Variants in IFT57 observed in about 807,000 individuals in gnomAD.
The protein encoded by IFT57 is intraflagellar transport protein 57 homolog.
A neutral mutation model predicts 56.8 loss-of-function variants in IFT57; 59 were observed. That is an observed-to-expected ratio of 1.04 (90% confidence interval 0.84 to 1.29). The LOEUF is 1.29. IFT57 is among the 50% of genes most tolerant of loss of function. The pLI, the probability that IFT57 is intolerant of heterozygous loss-of-function variation, is 0.00. For missense variants in IFT57, 470 were observed against 522.1 expected (o/e 0.90, Z 0.97); for synonymous variants, 209 against 186.1 (o/e 1.12, Z -1.00).
intron 6 of IFT57, among the ~76,000 whole-genome samples, chr3:108,179,017 G>T (rs1427650009): frequency 6.6e-6 from 1 of 151,714 alleles, no homozygotes; most frequent in Admixed American, 6.6e-5. Context: ...TCCCAAACTG[G>T]AAATAACTCA....
intron 6 of IFT57, among the ~76,000 whole-genome samples, chr3:108,176,210 C>T (rs554042499): frequency 5.9e-5 from 9 of 151,856 alleles, no homozygotes; most frequent in South Asian, 2.1e-4. Context: ...TTTACAAGGG[C>T]GCTTACGGCT....
chr3:108,162,535 T>A lies in IFT57; in HGVS notation c.1232A>T (p.Asn411Ile). ...TGTGGCATGCATGTTCCTAGTCATGTTGGACTTCTCCTTCAGCTTTGATTG... is the reference window on the plus strand; with the variant it reads ...TGTGGCATGCATGTTCCTAGTCATGATGGACTTCTCCTTCAGCTTTGATTG... ...LLQSKLKEKS[N>I]MTRNMHATVI... The change falls in exon 11 of 11, where the codon AAC becomes ATC. Residue 411 changes from asparagine to isoleucine, a missense_variant. Physicochemically the swap from Asn to Ile is moderately radical, Grantham distance 149 (BLOSUM62 -3). Coordinates refer to ENST00000264538, the MANE Select transcript of IFT57 (RefSeq NM_018010.4). 1.2e-6 allele frequency: 2 copies of A among 1,612,448 alleles called. No homozygotes were observed. Among genetic ancestry groups the A allele is most frequent in the East Asian group, 4.5e-5 (2 of 44,824 alleles).
At chr3:108,205,596 G>A (rs1476117706) in intron 5 of IFT57, among the ~76,000 whole-genome samples, 2 of 150,606 alleles carry the variant, frequency 1.3e-5, no homozygotes, top group Non-Finnish European at 3.0e-5. Context: ...CTGGGGAGGG[G>A]TAGTCAAGGA....
Position 108,206,620 on chromosome 3 carries a change from A to C in IFT57, c.654+8T>G. The C allele has an allele frequency of 1.5e-6, 2 of 1,313,640 alleles. No individual in the cohort carries two copies. Among genetic ancestry groups the C allele is most frequent in the Admixed American group, 2.3e-5 (1 of 42,770 alleles). The allele number at this position is 1,313,640 out of a possible 1,614,324, so 81.4% of individuals were successfully genotyped here. A position where few individuals can be genotyped will look rare whatever the true frequency, so the allele number is the denominator to read the frequency against. ...TTGTTGGTCCTGCATGTATCTGATGAAACTTACCAAGTGATATGTCTGGGC... is the reference window on the plus strand; with the variant it reads ...TTGTTGGTCCTGCATGTATCTGATGCAACTTACCAAGTGATATGTCTGGGC... On this transcript the variant is annotated splice_region_variant and intron_variant, in intron 5 of 10. Transcript: ENST00000264538.
chr3:108,176,078 T>C (rs1021910699), intron 6 of IFT57, among the ~76,000 whole-genome samples: 9 of 151,902 alleles, frequency 5.9e-5, no homozygotes, highest in Non-Finnish European at 8.8e-5. Flanking sequence ...TGACATTGAC[T>C]CTACCCTTCT....
intron 6 of IFT57, among the ~76,000 whole-genome samples, chr3:108,171,083 G>T (rs2080089650): frequency 6.6e-6 from 1 of 151,868 alleles, no homozygotes; most frequent in Non-Finnish European, 1.5e-5. Context: ...TGAGTAAAAG[G>T]ATATTTTGTG....
chr3:108,186,050 T>C (rs1029344614), intron 6 of IFT57, among the ~76,000 whole-genome samples: 4 of 152,066 alleles, frequency 2.6e-5, no homozygotes, highest in Admixed American at 1.3e-4. Context: ...AGCTAGTAGA[T>C]TGGGGGTCAT....
At chr3:108,170,376 T>A (rs1482818696) in intron 6 of IFT57, among the ~76,000 whole-genome samples, 1 of 152,004 alleles carries the variant, frequency 6.6e-6, no homozygotes, top group Non-Finnish European at 1.5e-5. Flanking sequence ...GAGAGCTAAA[T>A]CATGAGTGAA....
intron 5 of IFT57, among the ~76,000 whole-genome samples, chr3:108,196,617 G>A (rs927722990): frequency 6.6e-6 from 1 of 152,094 alleles, no homozygotes; most frequent in African/African-American, 2.4e-5. Context: ...CTTAAGCAAC[G>A]ATTTGCTAAC....
At chr3:108,208,509 C>T (rs1426417243) in intron 4 of IFT57, among the ~76,000 whole-genome samples, 2 of 152,146 alleles carry the variant, frequency 1.3e-5, no homozygotes, top group Non-Finnish European at 2.9e-5. Flanking sequence ...TAGAATGAAT[C>T]AGCAACCAAT....
chr3:108,195,147 A>T (rs911208588), intron 5 of IFT57, among the ~76,000 whole-genome samples: 3 of 152,182 alleles, frequency 2.0e-5, no homozygotes, highest in African/African-American at 7.2e-5. Flanking sequence ...TGATCTAATT[A>T]AAAAATAGGC....
At chr3:108,191,480 C>CTT (rs60290956) in intron 6 of IFT57, 41 bp downstream of exon 6, 103,887 of 1,177,920 alleles carry the variant, frequency 0.088, 1,057 homozygotes, top group Middle Eastern at 0.098. Flanking sequence ...TTCCTTATAA[C>CTT]TTTTTTTTTT....
intron 6 of IFT57, among the ~76,000 whole-genome samples, chr3:108,178,720 A>T (rs143525096): frequency 6.6e-6 from 1 of 152,046 alleles, no homozygotes; most frequent in African/African-American, 2.4e-5. Context: ...AATGATTAAA[A>T]TAAAAAAGAT....
At chr3:108,211,899 T>C (rs2080344186) in intron 4 of IFT57, among the ~76,000 whole-genome samples, 1 of 152,200 alleles carries the variant, frequency 6.6e-6, no homozygotes, top group African/African-American at 2.4e-5. Context: ...CAACATAAAA[T>C]TTGGAATCAT....
chr3:108,212,244 C>A (rs1311567730), intron 4 of IFT57, among the ~76,000 whole-genome samples: 1 of 151,738 alleles, frequency 6.6e-6, no homozygotes, highest in South Asian at 2.1e-4. Flanking sequence ...GCATTTTTTT[C>A]TTTTTTCCTT....
intron 5 of IFT57, among the ~76,000 whole-genome samples, chr3:108,204,803 C>T (rs1296598155): frequency 6.6e-6 from 1 of 152,144 alleles, no homozygotes; most frequent in Non-Finnish European, 1.5e-5. Context: ...AGTTTAAATT[C>T]AGGTACTGTG....
At chr3:108,195,165 CAA>C (rs937050671) in intron 5 of IFT57, among the ~76,000 whole-genome samples, 7 of 151,896 alleles carry the variant, frequency 4.6e-5, no homozygotes, top group Non-Finnish European at 7.4e-5. Flanking sequence ...GGCAAAAGAT[CAA>C]AAAGAGACAT....
chr3:108,200,796 T>C lies in IFT57; in HGVS notation c.654+5832A>G, dbSNP rs563728297. Among the ~76,000 whole-genome samples, 9 of 152,272 alleles carry C rather than the reference T, an allele frequency of 5.9e-5. No homozygotes were observed. In the South Asian group the frequency reaches 1.7e-3, roughly 28 times the overall value. On this transcript the variant is annotated intron_variant, in intron 5 of 10. Transcript: ENST00000264538. ...CATCACCAGGGCTTCCCAATTTACATAGAAATGCAAGCTTCTTGATAACTT... is the reference window on the plus strand; with the variant it reads ...CATCACCAGGGCTTCCCAATTTACACAGAAATGCAAGCTTCTTGATAACTT...
rs768904097 is a variant in IFT57 at position 108,162,437 on chromosome 3, A to C, written c.*40T>G. 133 of 1,510,734 alleles carry C rather than the reference A, an allele frequency of 8.8e-5. No homozygotes were observed. Among genetic ancestry groups the C allele is most frequent in the Non-Finnish European group, 1.1e-4 (120 of 1,116,546 alleles). 93.6% of individuals were successfully genotyped at this position (1,510,734 alleles called of 1,614,324 possible). A position where few individuals can be genotyped will look rare whatever the true frequency, so the allele number is the denominator to read the frequency against. On this transcript the variant is annotated 3_prime_UTR_variant, in exon 11 of 11. Coordinates refer to ENST00000264538, the MANE Select transcript of IFT57 (RefSeq NM_018010.4). ...TGCAACATGAAATATAGTTTGATATAAAAAACCCAACTAATCAGAAACATG... is the reference window on the plus strand; with the variant it reads ...TGCAACATGAAATATAGTTTGATATCAAAAACCCAACTAATCAGAAACATG...
Sources: gnomAD v4.1 joint callset for allele counts (sites outside exome capture counted in the v4.1 genomes callset) on GRCh38, gnomAD v4.1.1 for gene constraint, MANE v1.5 for transcripts, NCBI Gene and HGNC (gene_info 2026-07-23, HGNC 2026-07-21) for gene names.